The following TUSC3 variants were observed in gnomAD, a reference collection of about 807,000 sequenced individuals.
The protein encoded by TUSC3 is dolichyl-diphosphooligosaccharide--protein glycosyltransferase subunit TUSC3.
A neutral mutation model predicts 44.8 loss-of-function variants in TUSC3; 45 were observed. The observed-to-expected ratio is 1.00, with a 90% CI of 0.79 to 1.29. TUSC3 has a LOEUF of 1.29. TUSC3 is among the 50% of genes most tolerant of loss of function. The pLI is 0.00. For missense variants in TUSC3, 519 were observed against 437.9 expected (o/e 1.19, Z -1.65); for synonymous variants, 212 against 152.9 (o/e 1.39, Z -2.85).
At chr8:15,657,739 T>C (rs1003259516) in intron 3 of TUSC3, among the ~76,000 whole-genome samples, 2 of 152,146 alleles carry the variant, frequency 1.3e-5, no homozygotes, top group African/African-American at 4.8e-5. Flanking sequence ...ATTTCACCTT[T>C]CCAGGTATTT....
intron 1 of TUSC3, among the ~76,000 whole-genome samples, chr8:15,602,235 G>A (rs150549153): frequency 1.6e-4 from 25 of 151,620 alleles, no homozygotes; most frequent in African/African-American, 4.8e-4. Flanking sequence ...CTATATATAG[G>A]CCTTCCTTTT....
chr8:15,626,194 C>G (rs760475520), intron 2 of TUSC3, among the ~76,000 whole-genome samples: 39 of 152,290 alleles, frequency 2.6e-4, no homozygotes, highest in Non-Finnish European at 5.0e-4. Flanking sequence ...GGCCTGGAGC[C>G]TCTGCCACTC....
intron 1 of TUSC3, among the ~76,000 whole-genome samples, chr8:15,593,478 C>T (rs1278875434): frequency 6.6e-6 from 1 of 152,104 alleles, no homozygotes; most frequent in Non-Finnish European, 1.5e-5. Context: ...TATATACTTC[C>T]ACTGAGATAT....
the TUSC3 span, among the ~76,000 whole-genome samples, chr8:15,810,005 G>A: frequency 1.3e-5 from 2 of 152,204 alleles, no homozygotes; most frequent in Non-Finnish European, 2.9e-5. Context: ...GACAGACAGA[G>A]ATTCTGAATT....
At chr8:15,632,099 A>G (rs1219475200) in intron 2 of TUSC3, among the ~76,000 whole-genome samples, 1 of 152,148 alleles carries the variant, frequency 6.6e-6, no homozygotes, top group Non-Finnish European at 1.5e-5. Flanking sequence ...ATTCATATTT[A>G]AATTTTGCAT....
downstream of TUSC3, among the ~76,000 whole-genome samples, chr8:15,769,814 G>C (rs1308824691): frequency 1.3e-5 from 2 of 152,150 alleles, no homozygotes; most frequent in African/African-American, 4.8e-5. Flanking sequence ...AAACGTTAAA[G>C]AAAGCTCATC....
chr8:15,469,416 C>G (rs193019512), intron 1 of TUSC3, among the ~76,000 whole-genome samples: 24 of 152,240 alleles, frequency 1.6e-4, no homozygotes, highest in Admixed American at 1.2e-3. Context: ...TTCTATATCA[C>G]ATGTCATCAT....
At chr8:15,569,784 TC>T (rs1311534172) in intron 1 of TUSC3, among the ~76,000 whole-genome samples, 1 of 152,124 alleles carries the variant, frequency 6.6e-6, no homozygotes, top group Non-Finnish European at 1.5e-5. Context: ...AAATTTTTCT[TC>T]CTTGTCTGTT....
intron 9 of TUSC3, among the ~76,000 whole-genome samples, chr8:15,752,710 A>C (rs561436769): frequency 3.9e-5 from 6 of 152,178 alleles, no homozygotes; most frequent in African/African-American, 1.4e-4. Flanking sequence ...TTTGTGTAGA[A>C]AAACGTGATT....
At chr8:15,785,325 C>CAATA in the TUSC3 span, among the ~76,000 whole-genome samples, 1 of 152,046 alleles carries the variant, frequency 6.6e-6, no homozygotes, top group Admixed American at 6.6e-5. Flanking sequence ...TTGGTACAAC[C>CAATA]AATACATTGC....
chr8:15,837,417 G>T, the TUSC3 span, among the ~76,000 whole-genome samples: 1 of 151,948 alleles, frequency 6.6e-6, no homozygotes, highest in East Asian at 1.9e-4. Context: ...CTAATTATAC[G>T]TACATTGGAT....
chr8:15,764,228 G>T lies in TUSC3; in HGVS notation c.*72G>T, dbSNP rs1812264144. 1 of 1,606,208 alleles carries T rather than the reference G, an allele frequency of 6.2e-7. No homozygotes were observed. Among genetic ancestry groups the T allele is most frequent in the Admixed American group, 1.7e-5 (1 of 59,670 alleles). On this transcript the variant is annotated 3_prime_UTR_variant, in exon 11 of 11. Transcript: ENST00000503731. ...CTTTTTAATTAAATGAAGCCAAGTG[G>T]GATTTGCATAAAGTGAATGTTTACC...
intron 1 of TUSC3, among the ~76,000 whole-genome samples, chr8:15,608,811 C>T (rs1017786832): frequency 3.9e-5 from 6 of 152,156 alleles, no homozygotes; most frequent in African/African-American, 1.4e-4. Flanking sequence ...GTCAATTAAA[C>T]CTCTTTCCTT....
chr8:15,525,799 CAG>C (rs914656667), intron 2 of TUSC3, among the ~76,000 whole-genome samples: 7 of 152,066 alleles, frequency 4.6e-5, no homozygotes, highest in Non-Finnish European at 1.5e-5. Context: ...CCAGCAACAG[CAG>C]AGACACAGGT....
chr8:15,513,652 C>T (rs62502477), intron 2 of TUSC3, among the ~76,000 whole-genome samples: 42,178 of 152,012 alleles, frequency 0.28, 6,189 homozygotes, highest in East Asian at 0.5. Flanking sequence ...AAAAACTCAT[C>T]TTAGATAAAT....
At chr8:15,605,034 CTGAAA>C (rs1190869809) in intron 1 of TUSC3, among the ~76,000 whole-genome samples, 1 of 151,758 alleles carries the variant, frequency 6.6e-6, no homozygotes, top group Non-Finnish European at 1.5e-5. Context: ...GCCATTTTTA[CTGAAA>C]TGAACTAAGG....
chr8:15,587,133 C>T (rs1045992079), intron 1 of TUSC3, among the ~76,000 whole-genome samples: 31 of 152,076 alleles, frequency 2.0e-4, no homozygotes, highest in Non-Finnish European at 3.7e-4. Flanking sequence ...ATAGTAATTT[C>T]ATAATTAACT....
At chr8:15,779,462 C>T in the TUSC3 span, among the ~76,000 whole-genome samples, 1 of 146,778 alleles carries the variant, frequency 6.8e-6, no homozygotes, top group African/African-American at 2.5e-5. Flanking sequence ...CAAAAAAGTA[C>T]AAAAGCTGAA....
At chr8:15,592,683 C>G (rs1408058718) in intron 1 of TUSC3, among the ~76,000 whole-genome samples, 2 of 152,108 alleles carry the variant, frequency 1.3e-5, no homozygotes, top group African/African-American at 4.8e-5. Context: ...GAACTGCTAG[C>G]CAAATAAACA....
Sources: allele counts gnomAD v4.1 joint callset (sites outside exome capture counted in the v4.1 genomes callset), GRCh38; gene constraint gnomAD v4.1.1; transcripts MANE v1.5; gene names NCBI Gene and HGNC (gene_info 2026-07-23, HGNC 2026-07-21).